Variants in CNTNAP4 observed in about 807,000 individuals in gnomAD.
CNTNAP4 encodes the protein contactin-associated protein-like 4.
In CNTNAP4, 98 loss-of-function variants were observed where a neutral mutation model predicts 148.4. The ratio of observed to expected loss-of-function variants is 0.66; its 90% CI spans 0.56 to 0.78. The LOEUF (loss-of-function observed/expected upper bound fraction) is 0.78, where lower values mean the gene tolerates loss of function less well. Ranked by LOEUF, CNTNAP4 falls within the 30% of genes least tolerant of loss-of-function variation. The probability of loss-of-function intolerance (pLI) is 0.00; values close to 1 mark genes in which losing one functional copy is unlikely to be tolerated. For synonymous variants in CNTNAP4, 730 were observed against 565.1 expected (o/e 1.29, Z -4.14); for missense variants, 1,935 against 1,565.6 (o/e 1.24, Z -3.98).
intron 1 of CNTNAP4, 152 bp from the exon 2 acceptor site, chr16:76,316,261 T>G: frequency 1.4e-6 from 1 of 698,142 alleles, no homozygotes; most frequent in Admixed American, 2.0e-5. Flanking sequence ...TTACTAGACT[T>G]CTAGTAAGCC....
At position 76,521,223 on chromosome 16, in the gene CNTNAP4, G is replaced by A. The variant is rs538600136; in HGVS notation, c.2449G>A (p.Val817Ile). ...CTTCCACGGAGAACTTAGCGCGGATGTATCTTTCTTTTTTAAGACAACAGC... is the reference window on the plus strand; with the variant it reads ...CTTCCACGGAGAACTTAGCGCGGATATATCTTTCTTTTTTAAGACAACAGC... ...PTFHGELSAD[V>I]SFFFKTTASS... Residue 817 changes from valine (V) to isoleucine (I), a missense_variant, in exon 16 of 24, where the codon GTA becomes ATA. Val to Ile is a conservative substitution (Grantham distance 29, BLOSUM62 3). Coordinates refer to ENST00000611870, the MANE Select transcript of CNTNAP4 (RefSeq NM_033401.5). 6 of 1,612,296 alleles carry A rather than the reference G, an allele frequency of 3.7e-6. 1 individual carries two copies. The South Asian group carries it at 6.6e-5, about 18-fold the overall frequency.
chr16:76,281,194 A>C (rs1007465575), intron 1 of CNTNAP4, among the ~76,000 whole-genome samples: 38 of 151,952 alleles, frequency 2.5e-4, no homozygotes, highest in Admixed American at 6.6e-5. Flanking sequence ...TTAAAACTCA[A>C]CCTTGTAATT....
rs117617006 is a variant in CNTNAP4 at position 76,303,029 on chromosome 16, C to T, written c.86-13384C>T. Among the ~76,000 whole-genome samples the T allele has an allele frequency of 5.2e-3, 797 of 152,306 alleles. 4 individuals are homozygous for T. Among genetic ancestry groups the T allele is most frequent in the African/African-American group, 0.013 (547 of 41,576 alleles). ...ACTGAGCTAATGCACACCTACTCTG[C>T]CAGCTTTTAGCCAAGCTTCTAAAAC... On this transcript the variant is annotated intron_variant, in intron 1 of 23. Transcript: ENST00000611870.
chr16:76,306,207 G>A (rs940593038), intron 1 of CNTNAP4, among the ~76,000 whole-genome samples: 3 of 152,104 alleles, frequency 2.0e-5, no homozygotes, highest in African/African-American at 4.8e-5. Flanking sequence ...AAATAGCTCC[G>A]TTTTAAGTTC....
In CNTNAP4 at chr16:76,339,513, ACT is replaced by A. The variant is rs757348907; in HGVS notation, c.197-15802_197-15801del. On this transcript the variant is annotated intron_variant, in intron 2 of 23. Transcript: ENST00000611870. Reference sequence around the variant, plus strand: ...TTGGAATTCAAAACACATTTCAGACACTCTAGAGAAGATTGATGGGAATTAAT... The same window carrying A: ...TTGGAATTCAAAACACATTTCAGACACTAGAGAAGATTGATGGGAATTAAT... Among the ~76,000 whole-genome samples, 39 of 152,244 alleles carry A rather than the reference ACT, an allele frequency of 2.6e-4. No individual in the cohort carries two copies. In the East Asian group the frequency reaches 6.0e-3, roughly 23 times the overall value.
chr16:76,331,409 C>T (rs1039166991), intron 2 of CNTNAP4, among the ~76,000 whole-genome samples: 2 of 151,558 alleles, frequency 1.3e-5, no homozygotes, highest in Non-Finnish European at 2.9e-5. Flanking sequence ...AGGATGGTCT[C>T]GATCTCCTGA....
intron 10 of CNTNAP4, among the ~76,000 whole-genome samples, chr16:76,475,329 A>G (rs11149904): frequency 0.15 from 23,202 of 152,208 alleles, 2,152 homozygotes; most frequent in South Asian, 0.3. Flanking sequence ...GTTGAAACTA[A>G]ACTACCTCAA....
At chr16:76,555,908 T>G (rs945965733) in intron 23 of CNTNAP4, among the ~76,000 whole-genome samples, 11 of 152,194 alleles carry the variant, frequency 7.2e-5, no homozygotes, top group African/African-American at 2.7e-4. Context: ...GTAATGGCCA[T>G]GTAACCTCTG....
intron 15 of CNTNAP4, among the ~76,000 whole-genome samples, chr16:76,512,483 A>C (rs978859396): frequency 6.6e-6 from 1 of 152,264 alleles, no homozygotes; most frequent in South Asian, 2.1e-4. Flanking sequence ...GTCAAAAATA[A>C]CACCAAGGTG....
chr16:76,349,640 G>A (rs1346557), intron 2 of CNTNAP4, among the ~76,000 whole-genome samples: 28,327 of 151,640 alleles, frequency 0.19, 3,435 homozygotes, highest in East Asian at 0.47. Flanking sequence ...AGATGAAATC[G>A]CATTTGAAAA....
chr16:76,439,965 A>C (rs2079972636), intron 4 of CNTNAP4, among the ~76,000 whole-genome samples: 1 of 152,146 alleles, frequency 6.6e-6, no homozygotes, highest in Admixed American at 6.6e-5. Context: ...CTGCTACTTT[A>C]ATATTTCACT....
chr16:76,500,474 A>G lies in CNTNAP4; in HGVS notation c.2365+1780A>G, dbSNP rs530468831. ...CTAATTGCTGTTACCCACATAGGAA[A>G]GCCTCAGTGCTAAACACAGTTATTA... On this transcript the variant is annotated intron_variant, in intron 15 of 23. Coordinates refer to ENST00000611870, the MANE Select transcript of CNTNAP4 (RefSeq NM_033401.5). Among the ~76,000 whole-genome samples, 25 of 152,372 alleles carry G rather than the reference A, an allele frequency of 1.6e-4. No homozygotes were observed. The South Asian group carries it at 3.5e-3, about 21-fold the overall frequency.
chr16:76,547,839 G>T (rs1471298647), intron 21 of CNTNAP4, among the ~76,000 whole-genome samples: 1 of 152,188 alleles, frequency 6.6e-6, no homozygotes, highest in Non-Finnish European at 1.5e-5. Context: ...AGAAGAGGAT[G>T]TCTACTGAAT....
Position 76,277,565 on chromosome 16 carries a change from C to A in CNTNAP4, c.-98C>A. 2.6e-6 allele frequency: 2 copies of A among 768,582 alleles called. No individual in the cohort carries two copies. Among genetic ancestry groups the A allele is most frequent in the Middle Eastern group, 2.5e-4 (1 of 4,004 alleles). The allele number at this position is 768,582 out of a possible 1,614,324, so 47.6% of individuals were successfully genotyped here. A position where few individuals can be genotyped will look rare whatever the true frequency, so the allele number is the denominator to read the frequency against. ...GGGGAGAGACAGAGACCTAGAGGGG[C>A]TGAAGACCCAGACAGAGCTGGCAGA... On this transcript the variant is annotated 5_prime_UTR_variant, in exon 1 of 24. The change creates a new upstream start codon in the 5' untranslated region. Transcript: ENST00000611870.
chr16:76,431,165 T>C (rs1452806773), intron 4 of CNTNAP4, among the ~76,000 whole-genome samples: 1 of 152,102 alleles, frequency 6.6e-6, no homozygotes, highest in Non-Finnish European at 1.5e-5. Flanking sequence ...TATTTTCACA[T>C]GGGAGACTGA....
intron 3 of CNTNAP4, among the ~76,000 whole-genome samples, chr16:76,370,919 T>TA (rs143918591): frequency 0.05 from 7,686 of 152,276 alleles, 629 homozygotes; most frequent in African/African-American, 0.17. Context: ...TATAAAATGT[T>TA]ACATTTAGCG....
At chr16:76,423,786 A>G (rs185661375) in intron 3 of CNTNAP4, among the ~76,000 whole-genome samples, 37 of 152,336 alleles carry the variant, frequency 2.4e-4, no homozygotes, top group South Asian at 6.2e-4. Context: ...TTGATCAGTT[A>G]ATAAATATAA....
At chr16:76,404,869 T>G (rs1401600093) in intron 3 of CNTNAP4, among the ~76,000 whole-genome samples, 1 of 152,112 alleles carries the variant, frequency 6.6e-6, no homozygotes, top group African/African-American at 2.4e-5. Context: ...AAATAATATA[T>G]TTTTAATATT....
At chr16:76,501,869 G>C (rs569011704) in intron 15 of CNTNAP4, among the ~76,000 whole-genome samples, 1 of 152,214 alleles carries the variant, frequency 6.6e-6, no homozygotes, top group South Asian at 2.1e-4. Context: ...AGGAGATCGA[G>C]ACCATCCCGG....
Sources: allele counts gnomAD v4.1 joint callset (sites outside exome capture counted in the v4.1 genomes callset), GRCh38; gene constraint gnomAD v4.1.1; transcripts MANE v1.5; gene names NCBI Gene and HGNC (gene_info 2026-07-23, HGNC 2026-07-21).